GPR157: variants seen among roughly 807,000 people sequenced by gnomAD.
The protein encoded by GPR157 is G protein-coupled receptor 157, also known as G-protein coupled receptor 157.
GPR157 carries 16 observed loss-of-function variants against 23.5 expected under a neutral mutation model. That is an observed-to-expected ratio of 0.68 (90% CI 0.46 to 1.04). The LOEUF (loss-of-function observed/expected upper bound fraction) is 1.04, where lower values mean the gene tolerates loss of function less well. Among genes scored for constraint, GPR157 ranks in the 50% least tolerant of loss-of-function variants. The pLI is 0.00. For missense variants in GPR157, 440 were observed against 460.7 expected (o/e 0.96, Z 0.41); for synonymous variants, 200 against 221.5 (o/e 0.90, Z 0.86).
Position 9,128,511 on chromosome 1 carries a change from C to A in GPR157, c.383+134G>T. The A allele has an allele frequency of 1.2e-6, 1 of 860,058 alleles. No individual in the cohort carries two copies. 53.3% of individuals were successfully genotyped at this position (860,058 alleles called of 1,614,324 possible). A position where few individuals can be genotyped will look rare whatever the true frequency, so the allele number is the denominator to read the frequency against. On this transcript the variant is annotated intron_variant, in intron 1 of 3. Coordinates refer to ENST00000377411, the MANE Select transcript of GPR157 (RefSeq NM_024980.5). This position sits in a 1 kb window ranked among gnomAD's most constrained non-coding sequence, Gnocchi z 6.3. The stretch of plus-strand genomic sequence containing the variant: ...CCTCCTCCCGCTGGCCCAGGACAGC[C>A]TCGGGGGCGCCAGCAGGCACTGCTT...
intron 1 of GPR157, among the ~76,000 whole-genome samples, chr1:9,126,394 T>C (rs1351251962): frequency 6.6e-6 from 1 of 152,250 alleles, no homozygotes; most frequent in African/African-American, 2.4e-5. Context: ...GTATGTCCTT[T>C]GTCCATTTTT....
At position 9,101,369 on chromosome 1, in the gene GPR157, T is replaced by C. The variant is rs1642565043; in HGVS notation, c.*3050A>G. On this transcript the variant is annotated 3_prime_UTR_variant, in exon 4 of 4. Transcript: ENST00000377411. ...CTGCGCCTGGCCCCCTCCTGGACTT[T>C]TAGGATGTGACTTCCTTCCCATCCA... 1.3e-5 allele frequency: 2 copies of C among 152,384 alleles called. No homozygotes were observed. Among genetic ancestry groups the C allele is most frequent in the South Asian group, 4.1e-4 (2 of 4,824 alleles). The allele number at this position is 152,384 out of a possible 1,614,324, so 9.4% of individuals were successfully genotyped here.
At chr1:9,113,956 A>AACACACACAC (rs35650719) in intron 1 of GPR157, among the ~76,000 whole-genome samples, 61 of 121,892 alleles carry the variant, frequency 5.0e-4, no homozygotes, top group African/African-American at 9.6e-4. Context: ...AAAAAAACCA[A>AACACACACAC]ACACACACAC....
In GPR157 at chr1:9,100,521, C is replaced by T. The variant is rs1642553862; in HGVS notation, c.*3898G>A. The T allele has an allele frequency of 6.6e-6, 1 of 152,172 alleles. No homozygotes were observed. Among genetic ancestry groups the T allele is most frequent in the Non-Finnish European group, 1.5e-5 (1 of 68,030 alleles). The allele number at this position is 152,172 out of a possible 1,614,324, so 9.4% of individuals were successfully genotyped here. On this transcript the variant is annotated 3_prime_UTR_variant, in exon 4 of 4. Transcript: ENST00000377411. ...TAATCATCTTTATTTAAAAACAAAA[C>T]AGAACAAACAAACCAAAAAACCCTC... is the stretch of plus-strand genomic sequence containing the variant.
intron 2 of GPR157, among the ~76,000 whole-genome samples, chr1:9,107,215 G>A (rs1029869582): frequency 2.6e-5 from 4 of 152,188 alleles, no homozygotes; most frequent in Admixed American, 2.6e-4. Context: ...TCCAGAAGGA[G>A]AACAAAAACG....
chr1:9,114,556 C>T (rs1039382079), intron 1 of GPR157, among the ~76,000 whole-genome samples: 1 of 152,032 alleles, frequency 6.6e-6, no homozygotes, highest in Non-Finnish European at 1.5e-5. Flanking sequence ...GGGTCACGGT[C>T]GGCACAGCAC....
Position 9,123,174 on chromosome 1 carries a change from A to AAT in GPR157, c.383+5469_383+5470dup, listed in dbSNP as rs768439052. On this transcript the variant is annotated intron_variant, in intron 1 of 3. Coordinates refer to ENST00000377411, the MANE Select transcript of GPR157 (RefSeq NM_024980.5). ...ACTGTCTTGGGTGGGAAAAAAAAAA[A>AAT]ATATATATATATATATATAAATAAA... 6.3e-3 allele frequency among the ~76,000 whole-genome samples: 743 copies of AAT among 117,042 alleles called. 17 individuals are homozygous for AAT. The highest frequency in any genetic ancestry group is 0.043 in the South Asian group (173 of 4,008). 76.8% of individuals were successfully genotyped at this position (117,042 alleles called of 152,430 possible).
chr1:9,123,334 ATT>A, intron 1 of GPR157, among the ~76,000 whole-genome samples: 4 of 28,978 alleles, frequency 1.4e-4, no homozygotes, highest in African/African-American at 4.4e-4. Flanking sequence ...TATATATTTA[ATT>A]TAAATATATA....
rs1223530905 is a variant in GPR157, at chr1:9,118,717, C to A, written c.384-7228G>T. ...TAAAATGCAGTCATCAGAGTGGAACCTAACCTAACAACCTCTGTGGTCATA... is the reference window on the plus strand; with the variant it reads ...TAAAATGCAGTCATCAGAGTGGAACATAACCTAACAACCTCTGTGGTCATA... On this transcript the variant is annotated intron_variant, in intron 1 of 3. Coordinates refer to ENST00000377411, the MANE Select transcript of GPR157 (RefSeq NM_024980.5). The surrounding 1 kb of genome is among the most constrained non-coding windows in gnomAD (Gnocchi z 4.6). Among the ~76,000 whole-genome samples, 1 of 152,148 alleles carries A rather than the reference C, an allele frequency of 6.6e-6. No individual in the cohort carries two copies. The highest frequency in any genetic ancestry group is 1.9e-4 in the East Asian group (1 of 5,178).
In GPR157 at chr1:9,103,623, C is replaced by T. The variant is rs1315520723; in HGVS notation, c.*796G>A. 3 of 152,270 alleles carry T rather than the reference C, an allele frequency of 2.0e-5. No homozygotes were observed. Among genetic ancestry groups the T allele is most frequent in the African/African-American group, 7.2e-5 (3 of 41,442 alleles). The allele number at this position is 152,270 out of a possible 1,614,324, so 9.4% of individuals were successfully genotyped here. On this transcript the variant is annotated 3_prime_UTR_variant, in exon 4 of 4. Coordinates refer to ENST00000377411, the MANE Select transcript of GPR157 (RefSeq NM_024980.5). Reference sequence around the variant, plus strand: ...GGAGCTGGAGAGACAGTGGGGTCTTCGGGGGTTCCCTGAGACGCCTCTTCC... The same window carrying T: ...GGAGCTGGAGAGACAGTGGGGTCTTTGGGGGTTCCCTGAGACGCCTCTTCC...
At chr1:9,123,274 AAATATAT>A (rs1268832102) in intron 1 of GPR157, among the ~76,000 whole-genome samples, 2 of 21,882 alleles carry the variant, frequency 9.1e-5, no homozygotes, top group African/African-American at 3.9e-4. Context: ...ATATATATTT[AAATATAT>A]ATTTAAATTA....
chr1:9,106,203 T>A (rs372792495), intron 2 of GPR157, among the ~76,000 whole-genome samples: 1 of 152,080 alleles, frequency 6.6e-6, no homozygotes, highest in Admixed American at 6.5e-5. Context: ...CGTGCCGACC[T>A]CTAACTTCAA....
chr1:9,104,669 G>T (rs1317762523), intron 3 of GPR157, 35 bp from the exon 4 acceptor site: 9 of 1,498,016 alleles, frequency 6.0e-6, no homozygotes, highest in Non-Finnish European at 7.3e-6. Context: ...GCATGGGGCT[G>T]GAGTTGGTCT....
chr1:9,116,177 A>AAT (rs1638633812), intron 1 of GPR157, among the ~76,000 whole-genome samples: 9 of 9,802 alleles, frequency 9.2e-4, no homozygotes, highest in African/African-American at 6.9e-3. Context: ...ATAATTATAT[A>AAT]TATTATATAT....
At chr1:9,122,534 G>A (rs1230651348) in intron 1 of GPR157, among the ~76,000 whole-genome samples, 9 of 152,166 alleles carry the variant, frequency 5.9e-5, no homozygotes, top group Admixed American at 5.9e-4. Context: ...CCTTAGCCCA[G>A]TGATGAGAGT....
chr1:9,119,347 A>C (rs1569969538), intron 1 of GPR157, among the ~76,000 whole-genome samples: 1 of 152,162 alleles, frequency 6.6e-6, no homozygotes, highest in East Asian at 1.9e-4. Context: ...CTCTGTCTTC[A>C]AAAAAACAAA....
At chr1:9,113,410 G>T (rs954408454) in intron 1 of GPR157, among the ~76,000 whole-genome samples, 3 of 152,228 alleles carry the variant, frequency 2.0e-5, no homozygotes, top group African/African-American at 7.2e-5. Context: ...GGCAGAGCAG[G>T]CCAGGCAGGG....
Position 9,105,508 on chromosome 1 carries a change from G to T in GPR157, c.770C>A (p.Thr257Lys). ...LTLCGSPAVQ[T>K]PVLVVLHGIG... Reference sequence around the variant, plus strand: ...TACATGCAGAACCACCAGCACCGGCGTCTGCACGGCCGGGGAGCCACAGAG... The same window carrying T: ...TACATGCAGAACCACCAGCACCGGCTTCTGCACGGCCGGGGAGCCACAGAG... The change falls in exon 3 of 4, where the codon ACG becomes AAG. Residue 257 changes from threonine (T) to lysine (K), a missense_variant. Coordinates refer to ENST00000377411, the MANE Select transcript of GPR157 (RefSeq NM_024980.5). This position sits in a 1 kb window ranked among gnomAD's most constrained non-coding sequence, Gnocchi z 4.8. The T allele has an allele frequency of 1.3e-6, 2 of 1,579,058 alleles. No homozygotes were observed. The highest frequency in any genetic ancestry group is 1.7e-6 in the Non-Finnish European group (2 of 1,162,526).
chr1:9,101,100 T>G lies in GPR157; in HGVS notation c.*3319A>C, dbSNP rs1168345353. 1 of 151,942 alleles carries G rather than the reference T, an allele frequency of 6.6e-6. No individual in the cohort carries two copies. Among genetic ancestry groups the G allele is most frequent in the Non-Finnish European group, 1.5e-5 (1 of 68,034 alleles). The allele number at this position is 151,942 out of a possible 1,614,324, so 9.4% of individuals were successfully genotyped here. A position where few individuals can be genotyped will look rare whatever the true frequency, so the allele number is the denominator to read the frequency against. ...TCTTGCTCTGTCACCCAGGCTGGAG[T>G]GCAGTGGTGCAGTCTCGGCTCACTG... On this transcript the variant is annotated 3_prime_UTR_variant, in exon 4 of 4. Coordinates refer to ENST00000377411, the MANE Select transcript of GPR157 (RefSeq NM_024980.5).
Sources: gnomAD v4.1 joint callset for allele counts (sites outside exome capture counted in the v4.1 genomes callset) on GRCh38, gnomAD v4.1.1 for gene constraint, Gnocchi (gnomAD v3.1) non-coding constraint, MANE v1.5 for transcripts, NCBI Gene and HGNC (gene_info 2026-07-23, HGNC 2026-07-21) for gene names.